The following IFT46 variants were observed in gnomAD, a reference collection of about 807,000 sequenced individuals.
IFT46 encodes the protein intraflagellar transport protein 46 homolog.
IFT46 carries 19 observed loss-of-function variants against 39.6 expected under a neutral mutation model. That is an observed-to-expected ratio of 0.48 (90% CI 0.33 to 0.70). The LOEUF (loss-of-function observed/expected upper bound fraction) is 0.70, where lower values mean the gene tolerates loss of function less well. Ranked by LOEUF, IFT46 falls within the 30% of genes least tolerant of loss-of-function variation. IFT46 has a pLI of 0.01. For synonymous variants in IFT46, 117 were observed against 134.8 expected (o/e 0.87, Z 0.91); for missense variants, 334 against 364.8 (o/e 0.92, Z 0.69).
intron 3 of IFT46, chr11:118,557,935 AC>A (rs782024954): frequency 6.5e-7 from 1 of 1,527,102 alleles, no homozygotes; most frequent in South Asian, 1.3e-5. Flanking sequence ...GGTTTTCAAA[AC>A]TTGGTTTCTA....
Position 118,546,144 on chromosome 11 carries a change from A to G in IFT46, c.673-291T>C, listed in dbSNP as rs371310793. 403 of 718,598 alleles carry G rather than the reference A, an allele frequency of 5.6e-4. 2 individuals are homozygous for G. In the African/African-American group the frequency reaches 6.5e-3, roughly 12 times the overall value. 44.5% of individuals were successfully genotyped at this position (718,598 alleles called of 1,614,324 possible). A position where few individuals can be genotyped will look rare whatever the true frequency, so the allele number is the denominator to read the frequency against. ...GAAGAAGAAATCAGGACAAAGACGC[A>G]TAACAGAGGGAAGACCATGGGAAGA... is the stretch of plus-strand genomic sequence containing the variant. On this transcript the variant is annotated intron_variant, in intron 9 of 11. Coordinates refer to ENST00000264021, the MANE Select transcript of IFT46 (RefSeq NM_001168618.2).
In IFT46 at chr11:118,562,996, C is replaced by T. The variant is rs548180611; in HGVS notation, c.-36+1969G>A. Among the ~76,000 whole-genome samples, 87 of 151,098 alleles carry T rather than the reference C, an allele frequency of 5.8e-4. No homozygotes were observed. The South Asian group carries it at 0.016, about 28-fold the overall frequency. ...AGGAGAGTCGCTTGAACCCGGGAGG[C>T]GTAGGTTGCAGTGAGCCAAGATCGT... On this transcript the variant is annotated intron_variant, in intron 2 of 11. Coordinates refer to ENST00000264021, the MANE Select transcript of IFT46 (RefSeq NM_001168618.2).
upstream of IFT46, among the ~76,000 whole-genome samples, chr11:118,573,994 C>T (rs1938422186): frequency 1.3e-5 from 2 of 152,048 alleles, no homozygotes; most frequent in Non-Finnish European, 2.9e-5. Flanking sequence ...ATTATATAAA[C>T]CAGATAAAGG....
At chr11:118,567,094 A>T (rs182399295), upstream of IFT46, among the ~76,000 whole-genome samples, 1,722 of 151,774 alleles carry the variant, frequency 0.011, 26 homozygotes, top group African/African-American at 0.035. Context: ...TAAAAAAAAA[A>T]TTTTTTTTAA....
intron 1 of IFT46, among the ~76,000 whole-genome samples, chr11:118,571,554 A>G (rs1938336118): frequency 6.6e-6 from 1 of 152,194 alleles, no homozygotes; most frequent in South Asian, 2.1e-4. Context: ...CTCACCAACA[A>G]TTATTATGAT....
chr11:118,557,329 G>A (rs1937875086), intron 3 of IFT46: 2 of 412,346 alleles, frequency 4.9e-6, no homozygotes, highest in Middle Eastern at 6.4e-4. Context: ...TCAGGGCCCT[G>A]TGTACACTTT....
intron 4 of IFT46, among the ~76,000 whole-genome samples, chr11:118,556,682 A>C (rs1246752272): frequency 1.3e-5 from 2 of 152,032 alleles, no homozygotes; most frequent in African/African-American, 4.8e-5. Context: ...CAAGCCCACA[A>C]ACGTTTCAGA....
exon 1 of IFT46, chr11:118,572,618 T>TGG (rs1467958652): frequency 1.3e-6 from 2 of 1,570,642 alleles, no homozygotes; most frequent in Non-Finnish European, 1.7e-6. Context: ...TCGGCGGGCC[T>TGG]GGGGCAGGGG....
upstream of IFT46, among the ~76,000 whole-genome samples, chr11:118,575,618 C>T (rs1244546080): frequency 6.6e-6 from 1 of 152,096 alleles, no homozygotes; most frequent in African/African-American, 2.4e-5. Context: ...TCCTCCCTGA[C>T]AATTATAGAA....
At chr11:118,564,556 G>GA (rs1298326025) in intron 2 of IFT46, among the ~76,000 whole-genome samples, 1 of 151,336 alleles carries the variant, frequency 6.6e-6, no homozygotes, top group African/African-American at 2.4e-5. Flanking sequence ...ATAAAATTAA[G>GA]AAAAAAAAGT....
At chr11:118,550,471 T>A (rs1951784115) in intron 9 of IFT46, among the ~76,000 whole-genome samples, 1 of 152,170 alleles carries the variant, frequency 6.6e-6, no homozygotes, top group African/African-American at 2.4e-5. Flanking sequence ...AATAACTCTT[T>A]TTTTCCCTTC....
chr11:118,564,941 C>G (rs1555071200), intron 2 of IFT46, 24 bp downstream of exon 2: 1 of 152,626 alleles, frequency 6.6e-6, no homozygotes, highest in African/African-American at 2.4e-5. Context: ...CTTTCAGTAG[C>G]ATTTCTCTTC....
At chr11:118,553,761 C>A (rs144359730) in intron 7 of IFT46, among the ~76,000 whole-genome samples, 1,710 of 152,220 alleles carry the variant, frequency 0.011, 30 homozygotes, top group African/African-American at 0.038. Flanking sequence ...ATGAATAAAG[C>A]AAATCTGGTA....
chr11:118,552,179 T>G (rs1429409728), intron 8 of IFT46, 35 bp downstream of exon 8: 8 of 1,612,320 alleles, frequency 5.0e-6, no homozygotes. Context: ...AAGGTTACTA[T>G]GTGTTACTGT....
At chr11:118,551,998 G>A in intron 8 of IFT46, 146 bp from the exon 9 acceptor site, 1 of 999,434 alleles carries the variant, frequency 1.0e-6, no homozygotes, top group Non-Finnish European at 1.5e-6. Flanking sequence ...GCATACCAAA[G>A]TTACCCAGGG....
Position 118,555,291 on chromosome 11 carries a change from G to A in IFT46, c.217C>T (p.Pro73Ser). ...AYDPADYEHL[P>S]VSAEIKELFQ... ...AGTTCCTTAATTTCAGCAGAAACTG[G>A]CAAATGCTCATAGTCTGCAGGGTCA... Residue 73 changes from proline (P) to serine (S), a missense_variant, in exon 5 of 12, where the codon CCA becomes TCA. Physicochemically the swap from Pro to Ser is moderately conservative, Grantham distance 74. Coordinates refer to ENST00000264021, the MANE Select transcript of IFT46 (RefSeq NM_001168618.2). The A allele has an allele frequency of 6.2e-7, 1 of 1,614,136 alleles. No homozygotes were observed.
chr11:118,550,347 T>C (rs1471487602), intron 9 of IFT46, among the ~76,000 whole-genome samples: 1 of 152,240 alleles, frequency 6.6e-6, no homozygotes, highest in Non-Finnish European at 1.5e-5. Flanking sequence ...CACTTGAATT[T>C]TTTAAAAAGA....
At chr11:118,551,670 CAAAAAAA>C in intron 9 of IFT46, 109 bp downstream of exon 9, 10 of 457,866 alleles carry the variant, frequency 2.2e-5, no homozygotes, top group African/African-American at 3.8e-5. Flanking sequence ...GACCCTGTCT[CAAAAAAA>C]AAAAAAAAAA....
chr11:118,559,002 G>A (rs1555070074), intron 3 of IFT46, among the ~76,000 whole-genome samples: 1 of 148,104 alleles, frequency 6.8e-6, no homozygotes, highest in Non-Finnish European at 1.5e-5. Flanking sequence ...AAGTAGCTGG[G>A]ATTACAGGCA....
Sources: allele counts gnomAD v4.1 joint callset (sites outside exome capture counted in the v4.1 genomes callset), GRCh38; gene constraint gnomAD v4.1.1; transcripts MANE v1.5; gene names NCBI Gene and HGNC (gene_info 2026-07-23, HGNC 2026-07-21).